ATP8A1: variants seen among roughly 807,000 people sequenced by gnomAD.
ATP8A1 encodes ATPase phospholipid transporting 8A1, also known as phospholipid-transporting ATPase IA.
In ATP8A1, 90 loss-of-function variants were observed where a neutral mutation model predicts 177.7. The observed-to-expected ratio is 0.51, with a 90% confidence interval of 0.43 to 0.60. The LOEUF is 0.60. ATP8A1 is among the 20% of genes least tolerant of loss of function. ATP8A1 has a pLI of 0.00. For synonymous variants in ATP8A1, 493 were observed against 485.9 expected, an observed-to-expected ratio of 1.01 and a Z score of -0.19; for missense variants, 1,072 against 1,392.8, an observed-to-expected ratio of 0.77 and a Z score of 3.67.
At chr4:42,421,140 T>G (rs1713876158) in intron 35 of ATP8A1, among the ~76,000 whole-genome samples, 1 of 152,202 alleles carries the variant, frequency 6.6e-6, no homozygotes, top group African/African-American at 2.4e-5. Flanking sequence ...CTGAATTTAC[T>G]GACAAACTGC....
chr4:42,584,162 G>C (rs1039207043), intron 9 of ATP8A1, among the ~76,000 whole-genome samples: 2 of 152,108 alleles, frequency 1.3e-5, no homozygotes, highest in African/African-American at 4.8e-5. Flanking sequence ...CATTCTCTCA[G>C]GCTGCTGAGT....
At chr4:42,489,838 G>C (rs896019413) in intron 24 of ATP8A1, among the ~76,000 whole-genome samples, 5 of 151,928 alleles carry the variant, frequency 3.3e-5, no homozygotes, top group Non-Finnish European at 5.9e-5. Flanking sequence ...TACTGAAGGG[G>C]GAAATTTTTA....
chr4:42,568,512 A>T (rs367792871), intron 15 of ATP8A1, among the ~76,000 whole-genome samples: 1 of 152,258 alleles, frequency 6.6e-6, no homozygotes, highest in Non-Finnish European at 1.5e-5. Context: ...AGATGAAAAT[A>T]TAAATTCACA....
chr4:42,618,434 C>T (rs1335972032), intron 4 of ATP8A1, among the ~76,000 whole-genome samples: 1 of 152,190 alleles, frequency 6.6e-6, no homozygotes, highest in Non-Finnish European at 1.5e-5. Flanking sequence ...TTTAACATCT[C>T]TCCGGCAATC....
chr4:42,413,071 C>T (rs1712808814), intron 36 of ATP8A1, 58 bp from the exon 37 acceptor site: 11 of 1,439,384 alleles, frequency 7.6e-6, no homozygotes, highest in Middle Eastern at 1.7e-4. Flanking sequence ...CACCGTTATT[C>T]TGACTTTTGG....
At chr4:42,581,292 C>A (rs1388572524) in intron 10 of ATP8A1, among the ~76,000 whole-genome samples, 1 of 152,146 alleles carries the variant, frequency 6.6e-6, no homozygotes, top group Non-Finnish European at 1.5e-5. Context: ...CACTACCACG[C>A]CCGGCTAATT....
chr4:42,581,012 G>A (rs10013589), intron 10 of ATP8A1, among the ~76,000 whole-genome samples: 107,279 of 152,166 alleles, frequency 0.71, 37,948 homozygotes, highest in East Asian at 0.93. Flanking sequence ...TGACATGGAC[G>A]ACTTGTAATA....
intron 24 of ATP8A1, among the ~76,000 whole-genome samples, chr4:42,496,778 A>G (rs1383157417): frequency 3.5e-5 from 5 of 142,674 alleles, no homozygotes; most frequent in African/African-American, 1.3e-4. Flanking sequence ...GCACATATAT[A>G]CACATACACA....
At chr4:42,576,770 C>A (rs1732505624) in intron 12 of ATP8A1, among the ~76,000 whole-genome samples, 1 of 152,128 alleles carries the variant, frequency 6.6e-6, no homozygotes. Context: ...GATTAACCAA[C>A]TGGGCCTTTG....
chr4:42,645,953 G>A (rs919236256), intron 1 of ATP8A1, among the ~76,000 whole-genome samples: 1 of 152,006 alleles, frequency 6.6e-6, no homozygotes, highest in Non-Finnish European at 1.5e-5. Context: ...AAAGTAGAGT[G>A]AGACAGACTA....
chr4:42,427,648 G>C (rs1714773317), intron 33 of ATP8A1, among the ~76,000 whole-genome samples: 1 of 152,218 alleles, frequency 6.6e-6, no homozygotes, highest in Non-Finnish European at 1.5e-5. Context: ...TTAAAATGAA[G>C]TCCAGCTTTT....
chr4:42,495,729 G>A lies in ATP8A1; in HGVS notation c.2151+7721C>T, dbSNP rs181965406. 7.9e-5 allele frequency among the ~76,000 whole-genome samples: 12 copies of A among 151,866 alleles called. No homozygotes were observed. In the East Asian group the frequency reaches 2.3e-3, roughly 29 times the overall value. ...GTGTATAGAATCAAACCAATATAAA[G>A]TAATTTTTCCAAAACGGGTAAGGCA... On this transcript the variant is annotated intron_variant, in intron 24 of 36. Coordinates refer to ENST00000381668, the MANE Select transcript of ATP8A1 (RefSeq NM_006095.2).
rs1180521863 is a variant in ATP8A1, at chr4:42,555,131, ATCTATCTAATCTATCTATCT to A, written c.1413+817_1413+836del. 3.2e-3 allele frequency among the ~76,000 whole-genome samples: 242 copies of A among 76,562 alleles called. 2 individuals are homozygous for A. The highest frequency in any genetic ancestry group is 5.3e-3 in the Admixed American group (41 of 7,800). 50.2% of individuals were successfully genotyped at this position (76,562 alleles called of 152,430 possible). On this transcript the variant is annotated intron_variant, in intron 16 of 36. Coordinates refer to ENST00000381668, the MANE Select transcript of ATP8A1 (RefSeq NM_006095.2). ...TATCTATCTATCTATCTATCTATCT[ATCTATCTAATCTATCTATCT>A]ATCTATCTATCTATCTATCTATCTA...
Position 42,656,874 on chromosome 4 carries a change from C to CGCG in ATP8A1, c.-4_-2dup. On this transcript the variant is annotated 5_prime_UTR_variant, in exon 1 of 37. Coordinates refer to ENST00000381668, the MANE Select transcript of ATP8A1 (RefSeq NM_006095.2). The stretch of plus-strand genomic sequence containing the variant: ...ACACGGTCCTCCGCATGGTGGGCAT[C>CGCG]GCGGCGGCGGCTGCAGGTGGGTCCT... 1.3e-6 allele frequency: 2 copies of CGCG among 1,584,448 alleles called. No homozygotes were observed. The highest frequency in any genetic ancestry group is 1.2e-5 in the South Asian group (1 of 86,826).
At chr4:42,416,640 T>G (rs1040089504) in intron 35 of ATP8A1, among the ~76,000 whole-genome samples, 3 of 152,038 alleles carry the variant, frequency 2.0e-5, no homozygotes, top group African/African-American at 7.2e-5. Flanking sequence ...GAGTAGGGCT[T>G]TGGTTTAATT....
intron 10 of ATP8A1, among the ~76,000 whole-genome samples, chr4:42,580,290 T>C (rs564312524): frequency 6.6e-6 from 1 of 152,330 alleles, no homozygotes; most frequent in African/African-American, 2.4e-5. Context: ...ATTACTTGGC[T>C]ATGTAAGCAA....
chr4:42,478,565 A>G, intron 25 of ATP8A1, among the ~76,000 whole-genome samples: 1 of 135,942 alleles, frequency 7.4e-6, no homozygotes, highest in South Asian at 2.3e-4. Flanking sequence ...TACACACACA[A>G]AAAAAAAACC....
chr4:42,497,498 T>C (rs1046071652), intron 24 of ATP8A1, among the ~76,000 whole-genome samples: 7 of 152,174 alleles, frequency 4.6e-5, no homozygotes, highest in African/African-American at 1.7e-4. Flanking sequence ...CAGGGAGCTC[T>C]TGGAAGAGTT....
intron 4 of ATP8A1, among the ~76,000 whole-genome samples, chr4:42,620,856 C>T (rs553942106): frequency 1.2e-4 from 19 of 152,210 alleles, no homozygotes; most frequent in Non-Finnish European, 2.4e-4. Context: ...GATTCTATCA[C>T]TTTCTTAGAC....
Sources: allele counts gnomAD v4.1 joint callset (sites outside exome capture counted in the v4.1 genomes callset), GRCh38; gene constraint gnomAD v4.1.1; transcripts MANE v1.5; gene names NCBI Gene and HGNC (gene_info 2026-07-23, HGNC 2026-07-21).